Variants in NDRG2 observed in about 807,000 individuals in gnomAD.
NDRG2 encodes the protein protein NDRG2.
In NDRG2, 34 loss-of-function variants were observed where a neutral mutation model predicts 58.2. The ratio of observed to expected loss-of-function variants is 0.58; its 90% CI spans 0.44 to 0.78. The LOEUF (loss-of-function observed/expected upper bound fraction) is 0.78, where lower values mean the gene tolerates loss of function less well. Among genes scored for constraint, NDRG2 ranks in the 30% least tolerant of loss-of-function variants. The pLI, the probability that NDRG2 is intolerant of heterozygous loss-of-function variation, is 0.00. For missense variants in NDRG2, 434 were observed against 471.2 expected (o/e 0.92, Z 0.73); for synonymous variants, 187 against 175.9 (o/e 1.06, Z -0.50).
intron 1 of NDRG2, among the ~76,000 whole-genome samples, chr14:21,035,530 G>A (rs1256437951): frequency 6.6e-6 from 1 of 152,180 alleles, no homozygotes; most frequent in African/African-American, 2.4e-5. Context: ...TAGTCTGCAA[G>A]GTGTCTTCCA....
At chr14:21,042,880 A>G in intron 1 of NDRG2, 1 of 855,286 alleles carries the variant, frequency 1.2e-6, no homozygotes, top group Non-Finnish European at 1.8e-6. Flanking sequence ...ACAACCGAGT[A>G]GGGAGATGGG....
At chr14:21,019,602 C>T (rs1437966903) in intron 10 of NDRG2, 37 bp downstream of exon 10, 8 of 1,390,790 alleles carry the variant, frequency 5.8e-6, no homozygotes, top group Non-Finnish European at 7.1e-6. Flanking sequence ...ACTGCTTCTG[C>T]ATTTCTCTCA....
At chr14:21,057,801 T>A (rs1885744755) in intron 1 of NDRG2, 2 of 1,127,860 alleles carry the variant, frequency 1.8e-6, no homozygotes, top group Admixed American at 4.5e-5. Flanking sequence ...GCTTAGGGTA[T>A]GAAATTCTTA....
intron 1 of NDRG2, chr14:21,034,316 TG>T: frequency 6.4e-7 from 1 of 1,569,126 alleles, no homozygotes; most frequent in Middle Eastern, 1.9e-4. Context: ...TTAAGGTGGT[TG>T]GGGGCAGCAG....
intron 1 of NDRG2, chr14:21,031,201 C>T: frequency 2.5e-6 from 4 of 1,603,684 alleles, no homozygotes; most frequent in South Asian, 2.2e-5. Context: ...ACCCTACTTC[C>T]CTAAATCCCC....
At position 21,058,209 on chromosome 14, in the gene NDRG2, C is replaced by T. The variant is rs755438878; in HGVS notation, c.24+12619G>A. ...CAGAGCCACGGGCCCATGTCCCTGA[C>T]CATGGGTGAGCTCACCTCAGGGAAG... On this transcript the variant is annotated intron_variant, in intron 1 of 14. Coordinates refer to the NDRG2 transcript ENST00000403829. The T allele has an allele frequency of 3.1e-6, 5 of 1,614,018 alleles. No homozygotes were observed. The East Asian group carries it at 8.9e-5, about 29-fold the overall frequency.
upstream of NDRG2, chr14:21,030,452 A>T: frequency 1.1e-6 from 1 of 906,640 alleles, no homozygotes; most frequent in Non-Finnish European, 1.7e-6. Context: ...AACAGGGAAG[A>T]GGGGAGCTGT....
At position 21,016,821 on chromosome 14, in the gene NDRG2, A is replaced by C. The variant is rs1877126943; in HGVS notation, c.*775T>G. On this transcript the variant is annotated 3_prime_UTR_variant, in exon 16 of 16. Transcript: ENST00000556147. ...TATAGCAGAAGTTGTGGGAGACGGG[A>C]GGGCACCCTCCACACATACTACAGT... 4.4e-6 allele frequency: 2 copies of C among 454,822 alleles called. No homozygotes were observed. Among genetic ancestry groups the C allele is most frequent in the African/African-American group, 4.0e-5 (2 of 50,108 alleles). 28.2% of individuals were successfully genotyped at this position (454,822 alleles called of 1,614,324 possible).
chr14:21,067,891 A>T (rs190869819), intron 1 of NDRG2, among the ~76,000 whole-genome samples: 236 of 152,086 alleles, frequency 1.6e-3, no homozygotes, highest in African/African-American at 5.4e-3. Context: ...CACAGATTTT[A>T]AAACTCCTGG....
At chr14:21,057,830 C>G (rs942850235) in intron 1 of NDRG2, 58 of 1,415,332 alleles carry the variant, frequency 4.1e-5, no homozygotes, top group Non-Finnish European at 5.6e-5. Flanking sequence ...AACAAGACTC[C>G]CCCATGATGA....
intron 1 of NDRG2, chr14:21,033,142 T>G (rs1306675588): frequency 2.6e-6 from 1 of 377,538 alleles, no homozygotes; most frequent in South Asian, 2.0e-5. Context: ...AAAAAGAGGT[T>G]GGAAAAAGGA....
intron 1 of NDRG2, among the ~76,000 whole-genome samples, chr14:21,054,508 C>A (rs1193520987): frequency 6.6e-6 from 1 of 152,182 alleles, no homozygotes; most frequent in Non-Finnish European, 1.5e-5. Context: ...GACTCTTAGC[C>A]CACAAGAGGA....
intron 1 of NDRG2, among the ~76,000 whole-genome samples, chr14:21,036,831 G>A (rs78574634): frequency 4.6e-5 from 7 of 152,224 alleles, no homozygotes; most frequent in African/African-American, 1.2e-4. Context: ...AGTGGGCACC[G>A]TCAAGCAAGT....
chr14:21,032,000 C>G lies in NDRG2; in HGVS notation c.25-8679G>C, dbSNP rs145774307. ...TGGCAAGGGCAAGGGCATTGCGGGA[C>G]GGGAAGAGATGACTGACAACACAGG... On this transcript the variant is annotated intron_variant, in intron 1 of 14. Coordinates refer to the NDRG2 transcript ENST00000403829. 4 of 1,613,980 alleles carry G rather than the reference C, an allele frequency of 2.5e-6. No individual in the cohort carries two copies. The Admixed American group carries it at 6.7e-5, about 27-fold the overall frequency.
intron 1 of NDRG2, among the ~76,000 whole-genome samples, chr14:21,067,064 C>G (rs1886306543): frequency 1.3e-5 from 2 of 152,106 alleles, no homozygotes; most frequent in Non-Finnish European, 2.9e-5. Flanking sequence ...TGCTACTCTC[C>G]CAGGGAGAAA....
At chr14:21,060,406 C>T (rs758372493) in intron 1 of NDRG2, among the ~76,000 whole-genome samples, 1 of 152,172 alleles carries the variant, frequency 6.6e-6, no homozygotes, top group Non-Finnish European at 1.5e-5. Context: ...GAGACAGAAG[C>T]AGCATTCTTC....
At chr14:21,023,003 A>C in intron 2 of NDRG2, 98 bp from the exon 3 acceptor site, 3 of 1,363,290 alleles carry the variant, frequency 2.2e-6, no homozygotes, top group Middle Eastern at 1.8e-4. Context: ...AAGACAGACC[A>C]ACAAATGACC....
chr14:21,020,303 A>G lies in NDRG2; in HGVS notation c.555+193T>C, dbSNP rs1172647628. ...AGTGAGACACCATCTCAAAAAAAAA[A>G]AAAAAAAGAAAAAGAAAAAGAAAGT... On this transcript the variant is annotated intron_variant, in intron 8 of 15. Transcript: ENST00000556147. 1.0e-5 allele frequency: 6 copies of G among 582,196 alleles called. No homozygotes were observed. The East Asian group carries it at 1.1e-4, about 11-fold the overall frequency. 36.1% of individuals were successfully genotyped at this position (582,196 alleles called of 1,614,324 possible). A position where few individuals can be genotyped will look rare whatever the true frequency, so the allele number is the denominator to read the frequency against.
rs990662623 is a variant in NDRG2, at chr14:21,021,867, T to C, written c.357A>G (p.Pro119=). 7 of 1,613,260 alleles carry C rather than the reference T, an allele frequency of 4.3e-6. No individual in the cohort carries two copies. Among genetic ancestry groups the C allele is most frequent in the East Asian group, 2.2e-5 (1 of 44,866 alleles). The stretch of plus-strand genomic sequence containing the variant: ...TCATGTCTGCAAGCTGGTCCAGAGA[T>C]GGGTACTGATATCTGGAAAAGAGAG... ...APVFPLGYQY[P]SLDQLADMIP... is the part of the protein sequence containing the mutation. The change falls in exon 6 of 16, where the codon CCA becomes CCG. Residue 119 remains proline (P), a synonymous_variant. Coordinates refer to ENST00000556147, the MANE Select transcript of NDRG2 (RefSeq NM_001320329.2).
Sources: allele counts gnomAD v4.1 joint callset (sites outside exome capture counted in the v4.1 genomes callset), GRCh38; gene constraint gnomAD v4.1.1; transcripts MANE v1.5; gene names NCBI Gene and HGNC (gene_info 2026-07-23, HGNC 2026-07-21).